The following HNRNPUL1 variants were observed in gnomAD, a reference collection of about 807,000 sequenced individuals.
HNRNPUL1 encodes the protein heterogeneous nuclear ribonucleoprotein U-like protein 1.
HNRNPUL1 carries 14 observed loss-of-function variants against 108.5 expected under a neutral mutation model. That is an observed-to-expected ratio of 0.13 (90% CI 0.09 to 0.20). The LOEUF is 0.20. Among genes scored for constraint, HNRNPUL1 ranks in the 10% least tolerant of loss-of-function variants. HNRNPUL1 has a pLI of 1.00. For synonymous variants in HNRNPUL1, 422 were observed against 445.2 expected (o/e 0.95, Z 0.66); for missense variants, 804 against 1,168.3 (o/e 0.69, Z 4.55).
chr19:41,305,979 C>T lies in HNRNPUL1; in HGVS notation c.2454+112C>T, dbSNP rs906793159. On this transcript the variant is annotated intron_variant, in intron 14 of 14. Transcript: ENST00000392006. ...ATCCCTAAAAAGACAGCCTGCTGGC[C>T]TCGGCCTGGCGTTCATCTGGTGCAG... 1.2e-5 allele frequency: 9 copies of T among 739,102 alleles called. No individual in the cohort carries two copies. In the African/African-American group the frequency reaches 1.6e-4, roughly 13 times the overall value. The allele number at this position is 739,102 out of a possible 1,614,324, so 45.8% of individuals were successfully genotyped here. A position where few individuals can be genotyped will look rare whatever the true frequency, so the allele number is the denominator to read the frequency against.
chr19:41,299,275 G>A (rs2037062567), intron 10 of HNRNPUL1, among the ~76,000 whole-genome samples: 1 of 152,098 alleles, frequency 6.6e-6, no homozygotes, highest in African/African-American at 2.4e-5. Context: ...TTTCCCTGGG[G>A]GACAGGGAAG....
chr19:41,303,293 C>T (rs2037345777), intron 12 of HNRNPUL1, among the ~76,000 whole-genome samples: 1 of 151,644 alleles, frequency 6.6e-6, no homozygotes, highest in Non-Finnish European at 1.5e-5. Context: ...TTGGCCAGGT[C>T]TGAAGAGGAC....
rs57173622 is a variant in HNRNPUL1, at chr19:41,292,563, G to GAC, written c.1266+74_1266+75dup. 0.013 allele frequency: 19,307 copies of GAC among 1,498,836 alleles called. 44 individuals are homozygous for GAC. Among genetic ancestry groups the GAC allele is most frequent in the African/African-American group, 0.036 (2,591 of 71,732 alleles). The allele number at this position is 1,498,836 out of a possible 1,614,324, so 92.8% of individuals were successfully genotyped here. A position where few individuals can be genotyped will look rare whatever the true frequency, so the allele number is the denominator to read the frequency against. ...GCCACCTTGCTGCCAAGACAGAGGA[G>GAC]ACACACACACACACACACACACAGA... On this transcript the variant is annotated intron_variant, in intron 8 of 14. Coordinates refer to ENST00000392006, the MANE Select transcript of HNRNPUL1 (RefSeq NM_007040.6). The surrounding 1 kb of genome is among the most constrained non-coding windows in gnomAD (Gnocchi z 4.1).
intron 1 of HNRNPUL1, among the ~76,000 whole-genome samples, chr19:41,267,753 C>G (rs1443485512): frequency 6.6e-6 from 1 of 152,224 alleles, no homozygotes. Flanking sequence ...TGCTGCCCAT[C>G]CTAGCTTTCT....
At chr19:41,264,049 T>A (rs1292251055), upstream of HNRNPUL1, among the ~76,000 whole-genome samples, 1 of 152,214 alleles carries the variant, frequency 6.6e-6, no homozygotes, top group Non-Finnish European at 1.5e-5. Context: ...GGGACACTCA[T>A]TCTGAGATCT....
chr19:41,281,044 G>T, intron 6 of HNRNPUL1, 119 bp from the exon 7 acceptor site: 1 of 671,900 alleles, frequency 1.5e-6, no homozygotes. Flanking sequence ...AAAGGCATCT[G>T]ATTAATAAAA....
chr19:41,263,858 A>C (rs1223180759), upstream of HNRNPUL1, among the ~76,000 whole-genome samples: 1 of 152,120 alleles, frequency 6.6e-6, no homozygotes, highest in Admixed American at 6.5e-5. Context: ...CTCCTGGTGA[A>C]TTCATCTCTT....
chr19:41,303,982 C>T lies in HNRNPUL1; in HGVS notation c.1983C>T (p.Arg661=). The T allele has an allele frequency of 1.9e-6, 3 of 1,611,360 alleles. No homozygotes were observed. Among genetic ancestry groups the T allele is most frequent in the Non-Finnish European group, 2.5e-6 (3 of 1,177,884 alleles). ...GGGNYRGGFN[R]SGGGGYSQNR... is the part of the protein sequence containing the mutation. The stretch of plus-strand genomic sequence containing the variant: ...ATTTCTCCAACACAGGTTTCAACCG[C>T]AGCGGAGGTGGTGGCTATAGCCAGA... The change falls in exon 13 of 15, where the codon CGC becomes CGT. Residue 661 remains arginine, a synonymous_variant. Coordinates refer to ENST00000392006, the MANE Select transcript of HNRNPUL1 (RefSeq NM_007040.6).
chr19:41,279,006 C>G (rs1458470088), intron 5 of HNRNPUL1, 71 bp from the exon 6 acceptor site: 5 of 1,002,936 alleles, frequency 5.0e-6, no homozygotes, highest in Non-Finnish European at 7.9e-6. Flanking sequence ...GATATGCTTC[C>G]CTCCTATATT....
At position 41,305,801 on chromosome 19, in the gene HNRNPUL1, C is replaced by T. The variant is rs372346124; in HGVS notation, c.2388C>T (p.Pro796=). 4.3e-5 allele frequency: 69 copies of T among 1,611,566 alleles called. No individual in the cohort carries two copies. The Middle Eastern group carries it at 1.5e-3, about 36-fold the overall frequency. ...YGSYGGYNPA[P]YTPPPPPTAQ... ...GCTACGGCGGTTACAACCCGGCCCC[C>T]TATACCCCACCGCCACCCCCCACTG... The change falls in exon 14 of 15, where the codon CCC becomes CCT. Residue 796 remains proline (P), a synonymous_variant. Coordinates refer to ENST00000392006, the MANE Select transcript of HNRNPUL1 (RefSeq NM_007040.6).
chr19:41,304,175 G>T lies in HNRNPUL1; in HGVS notation c.2176G>T (p.Ala726Ser), dbSNP rs2037407736. 1.2e-6 allele frequency: 2 copies of T among 1,614,112 alleles called. No individual in the cohort carries two copies. The highest frequency in any genetic ancestry group is 1.7e-6 in the Non-Finnish European group (2 of 1,180,032). Residue 726 changes from alanine (A) to serine (S), a missense_variant, in exon 13 of 15, where the codon GCC becomes TCC. Coordinates refer to ENST00000392006, the MANE Select transcript of HNRNPUL1 (RefSeq NM_007040.6). ...SYSPARNPPG[A>S]STYNKNSNIP... ...CAGCCCTGCTCGGAACCCCCCAGGG[G>T]CCAGCACCTACAATAAGAACAGCAA...
intron 2 of HNRNPUL1, among the ~76,000 whole-genome samples, chr19:41,268,586 T>C (rs10410836): frequency 0.22 from 33,791 of 151,956 alleles, 4,441 homozygotes; most frequent in East Asian, 0.34. Context: ...CAGCCGGGTG[T>C]GGTGGCTCCC....
intron 10 of HNRNPUL1, among the ~76,000 whole-genome samples, chr19:41,296,180 A>G (rs2036884311): frequency 6.6e-6 from 1 of 152,188 alleles, no homozygotes; most frequent in African/African-American, 2.4e-5. Context: ...CTCATTTCAA[A>G]TATGTGGCCT....
At chr19:41,303,375 C>T (rs1306263743) in intron 12 of HNRNPUL1, among the ~76,000 whole-genome samples, 6 of 124,972 alleles carry the variant, frequency 4.8e-5, no homozygotes, top group South Asian at 2.4e-4. Flanking sequence ...TTTTTTGAGA[C>T]GGAGTTTTGC....
In HNRNPUL1 at chr19:41,302,942, C is replaced by T. The variant is rs1296413969; in HGVS notation, c.1965C>T (p.Tyr655=). ...GAGGCAGCGGTGGAGGAGGCAACTA[C>T]CGAGGAGGTGAGACATCTCACACAC... ...RGGGSGGGGN[Y]RGGFNRSGGG... Residue 655 remains tyrosine (Y), a synonymous_variant, in exon 12 of 15, where the codon TAC becomes TAT. Coordinates refer to ENST00000392006, the MANE Select transcript of HNRNPUL1 (RefSeq NM_007040.6). The T allele has an allele frequency of 1.3e-6, 2 of 1,524,880 alleles. No homozygotes were observed. The highest frequency in any genetic ancestry group is 8.8e-7 in the Non-Finnish European group (1 of 1,138,312). 94.5% of individuals were successfully genotyped at this position (1,524,880 alleles called of 1,614,324 possible).
chr19:41,303,687 A>G (rs1237495994), intron 12 of HNRNPUL1, among the ~76,000 whole-genome samples: 2 of 152,022 alleles, frequency 1.3e-5, no homozygotes, highest in Non-Finnish European at 2.9e-5. Context: ...CTTCCTGCAT[A>G]TTCAACAGCT....
chr19:41,269,163 GAA>G (rs2122447853), intron 2 of HNRNPUL1, among the ~76,000 whole-genome samples: 1 of 149,022 alleles, frequency 6.7e-6, no homozygotes, highest in Non-Finnish European at 1.5e-5. Context: ...AAAAAAAAAA[GAA>G]AGTGTGTGTC....
At chr19:41,264,323 T>A, upstream of HNRNPUL1, 1 of 477,938 alleles carries the variant, frequency 2.1e-6, no homozygotes, top group Non-Finnish European at 3.4e-6. Flanking sequence ...TTGGCACTCA[T>A]GTAACATCGG....
chr19:41,263,040 C>CAAAAAAAAAAAAAAAAAAAAAA (rs761873641), upstream of HNRNPUL1: 1 of 59,218 alleles, frequency 1.7e-5, no homozygotes, highest in Non-Finnish European at 3.2e-5. Flanking sequence ...GACTCCGTCT[C>CAAAAAAAAAAAAAAAAAAAAAA]AAAAAAAAAA....
Sources: allele counts gnomAD v4.1 joint callset (sites outside exome capture counted in the v4.1 genomes callset), GRCh38; gene constraint gnomAD v4.1.1; non-coding constraint Gnocchi (gnomAD v3.1); transcripts MANE v1.5; gene names NCBI Gene and HGNC (gene_info 2026-07-23, HGNC 2026-07-21).